Variants in NKAIN3 observed in about 807,000 individuals in gnomAD.
The protein encoded by NKAIN3 is sodium/potassium transporting ATPase interacting 3, also known as sodium/potassium-transporting ATPase subunit beta-1-interacting protein 3.
Under a neutral mutation model 30.2 loss-of-function variants are expected in NKAIN3, and 25 were observed. The observed-to-expected ratio is 0.83, with a 90% CI of 0.60 to 1.16. The LOEUF (loss-of-function observed/expected upper bound fraction) is 1.16, where lower values mean the gene tolerates loss of function less well. Among genes scored for constraint, NKAIN3 ranks in the 50% most tolerant of loss-of-function variants. The pLI is 0.00. For synonymous variants in NKAIN3, 91 were observed against 89.6 expected (o/e 1.02, Z -0.09); for missense variants, 225 against 254.1 (o/e 0.89, Z 0.78).
At chr8:62,485,296 T>G (rs1001609982) in intron 1 of NKAIN3, among the ~76,000 whole-genome samples, 14 of 152,194 alleles carry the variant, frequency 9.2e-5, no homozygotes, top group Non-Finnish European at 2.1e-4. Context: ...TCGAGAGGCT[T>G]TAGAAAGCTA....
chr8:62,612,961 A>G (rs1177537281), intron 3 of NKAIN3, among the ~76,000 whole-genome samples: 3 of 151,960 alleles, frequency 2.0e-5, no homozygotes, highest in Non-Finnish European at 4.4e-5. Flanking sequence ...TTTATATTTT[A>G]TTGTAATTGC....
chr8:62,334,061 G>A (rs1306029841), intron 1 of NKAIN3, among the ~76,000 whole-genome samples: 4 of 152,066 alleles, frequency 2.6e-5, no homozygotes, highest in African/African-American at 9.7e-5. Flanking sequence ...TGTATGTGCT[G>A]AGCCGTGTGA....
At position 62,830,153 on chromosome 8, in the gene NKAIN3, T is replaced by C. The variant is rs370074406; in HGVS notation, c.471+83024T>C. Among the ~76,000 whole-genome samples, 21 of 152,302 alleles carry C rather than the reference T, an allele frequency of 1.4e-4. No homozygotes were observed. The East Asian group carries it at 2.5e-3, about 18-fold the overall frequency. ...GGGATCTAAGAGTCATGATAGAACA[T>C]AGAAAATTTCTAGGTACATTTTCAG... On this transcript the variant is annotated intron_variant, in intron 4 of 6. Coordinates refer to ENST00000623646, the MANE Select transcript of NKAIN3 (RefSeq NM_001304533.3).
rs572482347 is a variant in NKAIN3, at chr8:62,456,753, G to A, written c.55-122786G>A. ...ATCTCAGCCTTAGTATGAATATTTC[G>A]CACTCTGCGATGTGATTTTGGAGTT... On this transcript the variant is annotated intron_variant, in intron 1 of 6. Transcript: ENST00000623646. 8.5e-5 allele frequency among the ~76,000 whole-genome samples: 13 copies of A among 152,264 alleles called. No individual in the cohort carries two copies. In the South Asian group the frequency reaches 2.3e-3, roughly 27 times the overall value.
downstream of NKAIN3, among the ~76,000 whole-genome samples, chr8:62,989,720 T>A (rs1442754599): frequency 2.0e-5 from 3 of 152,154 alleles, no homozygotes. Context: ...AAGAAAAATA[T>A]GTATATATAT....
intron 1 of NKAIN3, among the ~76,000 whole-genome samples, chr8:62,388,205 C>A (rs534191625): frequency 6.6e-6 from 1 of 152,322 alleles, no homozygotes; most frequent in Admixed American, 6.5e-5. Flanking sequence ...GTGTGAAAAT[C>A]CACCTGTTAT....
rs552735598 is a variant in NKAIN3, at chr8:62,345,435, A to G, written c.54+96308A>G. ...TATATATACACATATATACACATATATGTATATATACACACATATGTATAT... is the reference window on the plus strand; with the variant it reads ...TATATATACACATATATACACATATGTGTATATATACACACATATGTATAT... On this transcript the variant is annotated intron_variant, in intron 1 of 6. Transcript: ENST00000623646. 1.6e-3 allele frequency among the ~76,000 whole-genome samples: 210 copies of G among 134,344 alleles called. 3 individuals carry two copies. Among genetic ancestry groups the G allele is most frequent in the African/African-American group, 6.5e-3 (200 of 30,586 alleles). 88.1% of individuals were successfully genotyped at this position (134,344 alleles called of 152,430 possible). A position where few individuals can be genotyped will look rare whatever the true frequency, so the allele number is the denominator to read the frequency against.
intron 2 of NKAIN3, among the ~76,000 whole-genome samples, chr8:62,580,483 T>G (rs1427565654): frequency 6.6e-6 from 1 of 152,214 alleles, no homozygotes. Context: ...ATATACAGTG[T>G]TCAGTAGAAT....
chr8:62,498,084 G>A (rs984862129), intron 1 of NKAIN3, among the ~76,000 whole-genome samples: 1 of 152,056 alleles, frequency 6.6e-6, no homozygotes, highest in African/African-American at 2.4e-5. Context: ...CACAGGTGAG[G>A]AAGACGGTAA....
At chr8:62,840,244 A>G (rs1333168204) in intron 4 of NKAIN3, among the ~76,000 whole-genome samples, 1 of 152,046 alleles carries the variant, frequency 6.6e-6, no homozygotes, top group East Asian at 1.9e-4. Flanking sequence ...TCAAAAGGAT[A>G]TTGACTTATT....
chr8:62,888,542 G>A (rs1158328168), intron 4 of NKAIN3, among the ~76,000 whole-genome samples: 1 of 152,092 alleles, frequency 6.6e-6, no homozygotes, highest in Non-Finnish European at 1.5e-5. Context: ...TCCAATTTTG[G>A]GAGCAGTGGT....
At chr8:62,679,462 C>T (rs1813583768) in intron 3 of NKAIN3, among the ~76,000 whole-genome samples, 1 of 152,064 alleles carries the variant, frequency 6.6e-6, no homozygotes, top group Non-Finnish European at 1.5e-5. Context: ...AACATGTTGC[C>T]TTGAATGGTG....
At chr8:62,401,313 A>T (rs1456281356) in intron 1 of NKAIN3, among the ~76,000 whole-genome samples, 1 of 151,400 alleles carries the variant, frequency 6.6e-6, no homozygotes, top group African/African-American at 2.4e-5. Flanking sequence ...AATTTATCTC[A>T]TAGGATTCAG....
At chr8:62,859,519 A>AAAAAAAAAAAAAAAAAAAAAAAAAAC in intron 4 of NKAIN3, among the ~76,000 whole-genome samples, 1 of 150,436 alleles carries the variant, frequency 6.6e-6, no homozygotes. Context: ...AAAAAAAAAA[A>AAAAAAAAAAAAAAAAAAAAAAAAAAC]AACTTCATGG....
intron 3 of NKAIN3, among the ~76,000 whole-genome samples, chr8:62,633,112 A>G (rs56370735): frequency 0.2 from 31,111 of 151,992 alleles, 3,302 homozygotes; most frequent in East Asian, 0.34. Flanking sequence ...TTATGCTGCC[A>G]CCTACTAGCT....
intron 3 of NKAIN3, among the ~76,000 whole-genome samples, chr8:62,642,373 A>G (rs1812337221): frequency 6.6e-6 from 1 of 152,076 alleles, no homozygotes; most frequent in Admixed American, 6.6e-5. Context: ...ATCATTTTCT[A>G]TATTTATTAT....
chr8:62,531,570 A>T (rs543882386), intron 1 of NKAIN3, among the ~76,000 whole-genome samples: 1 of 152,128 alleles, frequency 6.6e-6, no homozygotes, highest in African/African-American at 2.4e-5. Flanking sequence ...AGCTAATCAC[A>T]TGTCAGTTTT....
intron 4 of NKAIN3, among the ~76,000 whole-genome samples, chr8:62,814,837 C>A (rs1818623540): frequency 6.6e-6 from 1 of 151,948 alleles, no homozygotes; most frequent in Admixed American, 6.6e-5. Context: ...AAAGCAAGAG[C>A]AAACACATTC....
chr8:62,998,314 C>T lies in NKAIN3; in HGVS notation c.533-917C>T, dbSNP rs186956139. On this transcript the variant is annotated intron_variant, in intron 5 of 5. Coordinates refer to the NKAIN3 transcript ENST00000519049. ...AGGGAGGGATGGAGTCTCACTGTGT[C>T]GCCCAGGCTGGAGTGCAGTGGCCCA... Among the ~76,000 whole-genome samples, 14 of 152,014 alleles carry T rather than the reference C, an allele frequency of 9.2e-5. No individual in the cohort carries two copies. In the East Asian group the frequency reaches 2.5e-3, roughly 27 times the overall value.
Sources: gnomAD v4.1 joint callset for allele counts (sites outside exome capture counted in the v4.1 genomes callset) on GRCh38, gnomAD v4.1.1 for gene constraint, MANE v1.5 for transcripts, NCBI Gene and HGNC (gene_info 2026-07-23, HGNC 2026-07-21) for gene names.